RLN2: variants seen among roughly 807,000 people sequenced by gnomAD.
RLN2 encodes the protein prorelaxin H2.
RLN2 carries 10 observed loss-of-function variants against 7.3 expected under a neutral mutation model. The observed-to-expected ratio is 1.36, with a 90% confidence interval of 0.84 to 2.31. The LOEUF is 2.31. Ranked by LOEUF, RLN2 falls within the 30% of genes most tolerant of loss-of-function variation. The pLI is 0.00. For synonymous variants in RLN2, 103 were observed against 82.3 expected, an observed-to-expected ratio of 1.25 and a Z score of -1.36; for missense variants, 298 against 217.6, an observed-to-expected ratio of 1.37 and a Z score of -2.32.
chr9:5,301,510 A>G (rs188727407), intron 1 of RLN2, among the ~76,000 whole-genome samples: 130 of 152,362 alleles, frequency 8.5e-4, no homozygotes, highest in African/African-American at 3.0e-3. Context: ...TATTTCACAA[A>G]GAAATTAGAA....
intron 1 of RLN2, 158 bp downstream of exon 1, chr9:5,304,212 C>T (rs1437584999): frequency 3.6e-6 from 2 of 552,526 alleles, no homozygotes; most frequent in Non-Finnish European, 6.2e-6. Context: ...AAAGGAAAAG[C>T]CCAAACTTTA....
At chr9:5,312,212 C>A in the RLN2 span, among the ~76,000 whole-genome samples, 1 of 152,000 alleles carries the variant, frequency 6.6e-6, no homozygotes, top group Non-Finnish European at 1.5e-5. Context: ...TGGCACAAAG[C>A]CTTGTGGTAT....
At chr9:5,314,327 G>C in the RLN2 span, among the ~76,000 whole-genome samples, 1 of 152,006 alleles carries the variant, frequency 6.6e-6, no homozygotes, top group Non-Finnish European at 1.5e-5. Flanking sequence ...TTGGGGCCAA[G>C]CTGCAGTGGA....
At chr9:5,330,121 C>T in the RLN2 span, among the ~76,000 whole-genome samples, 1 of 152,024 alleles carries the variant, frequency 6.6e-6, no homozygotes, top group Non-Finnish European at 1.5e-5. Flanking sequence ...CAAAACTGCA[C>T]AACTACATGG....
chr9:5,306,724 C>G (rs946335606), upstream of RLN2, among the ~76,000 whole-genome samples: 8 of 152,026 alleles, frequency 5.3e-5, no homozygotes, highest in Non-Finnish European at 1.0e-4. Flanking sequence ...TGGATTCCAA[C>G]GCCCCCTTTC....
chr9:5,302,056 G>A (rs1004765607), intron 1 of RLN2, among the ~76,000 whole-genome samples: 1 of 152,138 alleles, frequency 6.6e-6, no homozygotes, highest in African/African-American at 2.4e-5. Flanking sequence ...ATTAAATACT[G>A]AAAGAAGCTG....
chr9:5,337,737 A>G, the RLN2 span, among the ~76,000 whole-genome samples: 3 of 152,054 alleles, frequency 2.0e-5, no homozygotes, highest in Non-Finnish European at 4.4e-5. Flanking sequence ...TTCTGAGGTT[A>G]CTTTCAGTTA....
the RLN2 span, among the ~76,000 whole-genome samples, chr9:5,310,841 C>T: frequency 6.6e-6 from 1 of 152,062 alleles, no homozygotes; most frequent in Non-Finnish European, 1.5e-5. Flanking sequence ...TATAAGCATA[C>T]ATAATCTAAT....
At chr9:5,329,249 G>A in the RLN2 span, among the ~76,000 whole-genome samples, 1 of 144,860 alleles carries the variant, frequency 6.9e-6, no homozygotes, top group Admixed American at 7.0e-5. Context: ...CTTGCAGTGA[G>A]CCGAGATTGC....
At chr9:5,318,010 G>GTGTGTGTGTGTC in the RLN2 span, among the ~76,000 whole-genome samples, 3 of 151,048 alleles carry the variant, frequency 2.0e-5, no homozygotes, top group African/African-American at 7.3e-5. Context: ...GTGTGTGCGT[G>GTGTGTGTGTGTC]TGTGTGTGTG....
At chr9:5,305,654 AT>A (rs1319003202), upstream of RLN2, among the ~76,000 whole-genome samples, 4 of 152,030 alleles carry the variant, frequency 2.6e-5, no homozygotes, top group African/African-American at 9.7e-5. Flanking sequence ...AAGTAGGTTC[AT>A]TTTTTAAAAT....
chr9:5,324,775 T>C, the RLN2 span, among the ~76,000 whole-genome samples: 2 of 152,078 alleles, frequency 1.3e-5, no homozygotes. Flanking sequence ...GGCTGGCGTA[T>C]TATTATTGTG....
chr9:5,310,478 T>A, the RLN2 span, among the ~76,000 whole-genome samples: 1 of 151,986 alleles, frequency 6.6e-6, no homozygotes, highest in Admixed American at 6.6e-5. Context: ...GAAGTTCCAT[T>A]CCTATCATTT....
At position 5,300,078 on chromosome 9, in the gene RLN2, TG is replaced by T. The variant is rs1285986237; in HGVS notation, c.*19del. 1.4e-6 allele frequency: 2 copies of T among 1,436,990 alleles called. No homozygotes were observed. Among genetic ancestry groups the T allele is most frequent in the Admixed American group, 3.9e-5 (2 of 51,660 alleles). 89.0% of individuals were successfully genotyped at this position (1,436,990 alleles called of 1,614,324 possible). On this transcript the variant is annotated 3_prime_UTR_variant, in exon 2 of 2. Coordinates refer to ENST00000381627, the MANE Select transcript of RLN2 (RefSeq NM_134441.3). ...GAATATGTGTGAATATTATACGAGA[TG>T]TGCACAATTAGCTTCATCTCAGCAA...
the RLN2 span, among the ~76,000 whole-genome samples, chr9:5,335,832 C>G: frequency 6.6e-6 from 1 of 152,006 alleles, no homozygotes; most frequent in African/African-American, 2.4e-5. Context: ...TCTCTCGTCT[C>G]TCTTCATTAT....
the RLN2 span, among the ~76,000 whole-genome samples, chr9:5,320,988 A>G: frequency 1.3e-5 from 2 of 152,148 alleles, no homozygotes; most frequent in Admixed American, 1.3e-4. Context: ...AGTGAGTTGA[A>G]GAATCACAAC....
chr9:5,326,286 C>T, the RLN2 span, among the ~76,000 whole-genome samples: 1 of 152,056 alleles, frequency 6.6e-6, no homozygotes, highest in Non-Finnish European at 1.5e-5. Context: ...CAGGGGCTGA[C>T]AGTAGCAGGA....
upstream of RLN2, among the ~76,000 whole-genome samples, chr9:5,309,669 CA>C (rs1173762733): frequency 6.6e-6 from 1 of 152,086 alleles, no homozygotes; most frequent in East Asian, 1.9e-4. Flanking sequence ...CCGCCCATCC[CA>C]GTTCCTCTAC....
the RLN2 span, among the ~76,000 whole-genome samples, chr9:5,322,005 G>A: frequency 6.6e-6 from 1 of 152,018 alleles, no homozygotes; most frequent in African/African-American, 2.4e-5. Context: ...GAATTTGAAG[G>A]AGGACATAGC....
Sources: allele counts gnomAD v4.1 joint callset (sites outside exome capture counted in the v4.1 genomes callset), GRCh38; gene constraint gnomAD v4.1.1; transcripts MANE v1.5; gene names NCBI Gene and HGNC (gene_info 2026-07-23, HGNC 2026-07-21).